ATP9B: variants seen among roughly 807,000 people sequenced by gnomAD.
ATP9B encodes the protein ATPase phospholipid transporting 9B, also known as probable phospholipid-transporting ATPase IIB.
In ATP9B, 110 loss-of-function variants were observed where a neutral mutation model predicts 146.1. The observed-to-expected ratio is 0.75, with a 90% CI of 0.65 to 0.88. The LOEUF (loss-of-function observed/expected upper bound fraction) is 0.88. ATP9B is among the 40% of genes least tolerant of loss of function. The pLI is 0.00. For synonymous variants in ATP9B, 604 were observed against 569.7 expected (o/e 1.06, Z -0.86); for missense variants, 1,499 against 1,496.4 (o/e 1.00, Z -0.03).
intron 11 of ATP9B, among the ~76,000 whole-genome samples, chr18:79,226,992 C>G (rs1341214648): frequency 2.0e-5 from 3 of 152,206 alleles, no homozygotes; most frequent in Non-Finnish European, 4.4e-5. Context: ...GACTGAACAC[C>G]TGCTGTGTGT....
At chr18:79,241,985 G>A (rs1481757664) in intron 11 of ATP9B, among the ~76,000 whole-genome samples, 2 of 152,180 alleles carry the variant, frequency 1.3e-5, no homozygotes, top group Non-Finnish European at 2.9e-5. Context: ...CCTTTAGAGC[G>A]GGCCCCTCCT....
chr18:79,150,388 T>TA (rs1000466692), intron 6 of ATP9B, among the ~76,000 whole-genome samples: 4 of 152,166 alleles, frequency 2.6e-5, no homozygotes, highest in Non-Finnish European at 4.4e-5. Context: ...AATGTTAAAT[T>TA]ATGTTGATTC....
In ATP9B at chr18:79,091,039, G is replaced by T. The variant is rs544133795; in HGVS notation, c.120-5437G>T. Among the ~76,000 whole-genome samples, 13 of 152,220 alleles carry T rather than the reference G, an allele frequency of 8.5e-5. No individual in the cohort carries two copies. The South Asian group carries it at 2.7e-3, about 32-fold the overall frequency. ...CCCAGCACCATTTATTGAAAAGACT[G>T]TCTTTTCCCCAGTATATGTTCTTGG... On this transcript the variant is annotated intron_variant, in intron 1 of 29. Coordinates refer to ENST00000426216, the MANE Select transcript of ATP9B (RefSeq NM_198531.5).
intron 7 of ATP9B, among the ~76,000 whole-genome samples, chr18:79,170,837 A>G (rs1413046719): frequency 3.3e-5 from 5 of 152,206 alleles, no homozygotes; most frequent in African/African-American, 1.2e-4. Flanking sequence ...CCTGATTGTG[A>G]CGCCAAATTT....
intron 8 of ATP9B, among the ~76,000 whole-genome samples, chr18:79,189,492 A>C (rs528279128): frequency 4.6e-5 from 7 of 152,260 alleles, no homozygotes; most frequent in Admixed American, 2.6e-4. Flanking sequence ...ACTCCCCCCA[A>C]ATTTAACTGT....
intron 12 of ATP9B, among the ~76,000 whole-genome samples, chr18:79,267,328 A>G (rs927004685): frequency 6.6e-6 from 1 of 151,662 alleles, no homozygotes; most frequent in Non-Finnish European, 1.5e-5. Flanking sequence ...CACTCTTCCA[A>G]TAGGTTTGCC....
chr18:79,232,738 A>G (rs1689514527), intron 11 of ATP9B, among the ~76,000 whole-genome samples: 2 of 152,258 alleles, frequency 1.3e-5, no homozygotes, highest in Non-Finnish European at 2.9e-5. Context: ...GAAGAAGTAG[A>G]CAACTCGCGA....
chr18:79,259,144 T>A (rs2096114581), intron 12 of ATP9B, among the ~76,000 whole-genome samples: 1 of 152,256 alleles, frequency 6.6e-6, no homozygotes, highest in Non-Finnish European at 1.5e-5. Flanking sequence ...AGCTACTTGA[T>A]ACAATTTACC....
intron 11 of ATP9B, among the ~76,000 whole-genome samples, chr18:79,226,527 C>G (rs7237583): frequency 6.6e-6 from 1 of 152,250 alleles, no homozygotes; most frequent in Non-Finnish European, 1.5e-5. Flanking sequence ...CACAGGGTCC[C>G]TGCTCAGTGA....
chr18:79,126,577 G>T (rs925968747), intron 5 of ATP9B, among the ~76,000 whole-genome samples: 1 of 152,150 alleles, frequency 6.6e-6, no homozygotes. Context: ...CTGTTTGGAT[G>T]TATGTTGTGT....
intron 12 of ATP9B, among the ~76,000 whole-genome samples, chr18:79,265,047 A>T (rs1389514986): frequency 6.6e-6 from 1 of 151,920 alleles, no homozygotes; most frequent in Non-Finnish European, 1.5e-5. Flanking sequence ...ATTTTTGCTG[A>T]TACTCTCCCT....
chr18:79,158,234 T>C (rs1235121592), intron 7 of ATP9B, among the ~76,000 whole-genome samples: 1 of 152,152 alleles, frequency 6.6e-6, no homozygotes, highest in Non-Finnish European at 1.5e-5. Context: ...TGATATCTTC[T>C]TTGATTCATT....
intron 13 of ATP9B, among the ~76,000 whole-genome samples, chr18:79,295,361 CTG>C (rs1432222633): frequency 4.6e-5 from 7 of 152,148 alleles, no homozygotes; most frequent in Admixed American, 3.9e-4. Flanking sequence ...TCTAAGAAAA[CTG>C]TGTTATTTAA....
At chr18:79,143,258 C>T (rs1468884405) in intron 5 of ATP9B, among the ~76,000 whole-genome samples, 1 of 152,068 alleles carries the variant, frequency 6.6e-6, no homozygotes, top group Non-Finnish European at 1.5e-5. Context: ...TTAGATGTTT[C>T]GTAGATAAGA....
chr18:79,154,286 C>G (rs1352071425), intron 6 of ATP9B, among the ~76,000 whole-genome samples: 1 of 152,008 alleles, frequency 6.6e-6, no homozygotes, highest in Non-Finnish European at 1.5e-5. Context: ...TACTACATAC[C>G]ATTATATGGC....
chr18:79,260,324 T>C lies in ATP9B; in HGVS notation c.1268+6783T>C, dbSNP rs541323813. On this transcript the variant is annotated intron_variant, in intron 12 of 29. Transcript: ENST00000426216. ...ACACTCATCAAACCATCAGAACGCA[T>C]GAGAACTCACTCATTATCACGAGAA... Among the ~76,000 whole-genome samples, 3 of 152,244 alleles carry C rather than the reference T, an allele frequency of 2.0e-5. No homozygotes were observed. In the South Asian group the frequency reaches 6.2e-4, roughly 32 times the overall value.
chr18:79,147,890 C>G (rs2094617210), intron 6 of ATP9B, among the ~76,000 whole-genome samples: 2 of 152,014 alleles, frequency 1.3e-5, no homozygotes, highest in Admixed American at 6.6e-5. Flanking sequence ...AAAGCTGGTT[C>G]TTCTAAATAA....
intron 9 of ATP9B, among the ~76,000 whole-genome samples, chr18:79,199,719 G>C (rs1318288696): frequency 6.6e-6 from 1 of 150,866 alleles, no homozygotes; most frequent in African/African-American, 2.4e-5. Flanking sequence ...AGCTGAGATT[G>C]TGCCACTGCA....
chr18:79,286,202 C>T (rs1471965429), intron 13 of ATP9B, among the ~76,000 whole-genome samples: 2 of 151,878 alleles, frequency 1.3e-5, no homozygotes, highest in African/African-American at 4.8e-5. Flanking sequence ...TATAAATTAC[C>T]TTGGGCAGTA....
Sources: allele counts gnomAD v4.1 joint callset (sites outside exome capture counted in the v4.1 genomes callset), GRCh38; gene constraint gnomAD v4.1.1; transcripts MANE v1.5; gene names NCBI Gene and HGNC (gene_info 2026-07-23, HGNC 2026-07-21).